Variants in RBBP8 observed in about 807,000 individuals in gnomAD.
The protein encoded by RBBP8 is RB binding protein 8, endonuclease, also known as DNA endonuclease RBBP8.
A neutral mutation model predicts 108.3 loss-of-function variants in RBBP8; 88 were observed. The ratio of observed to expected loss-of-function variants is 0.81; its 90% CI spans 0.68 to 0.97. RBBP8 has a LOEUF of 0.97. Among genes scored for constraint, RBBP8 ranks in the 50% least tolerant of loss-of-function variants. RBBP8 has a pLI of 0.00. For synonymous variants in RBBP8, 332 were observed against 348.2 expected (o/e 0.95, Z 0.52); for missense variants, 1,023 against 1,049.0 (o/e 0.98, Z 0.34).
chr18:22,960,553 A>C (rs1166912778), intron 4 of RBBP8, among the ~76,000 whole-genome samples: 2 of 152,208 alleles, frequency 1.3e-5, no homozygotes, highest in Admixed American at 1.3e-4. Flanking sequence ...CTCAACAAAA[A>C]AGACAAATGA....
At chr18:23,001,956 T>A (rs993438472) in intron 15 of RBBP8, among the ~76,000 whole-genome samples, 10 of 152,336 alleles carry the variant, frequency 6.6e-5, no homozygotes, top group African/African-American at 2.4e-4. Flanking sequence ...CTCCTTATGT[T>A]AATGTGTTAT....
chr18:22,936,904 G>C lies in RBBP8; in HGVS notation c.53G>C (p.Ser18Thr), dbSNP rs1051416455. ...AGCCCTAACTCTGCAGATACATCTA[G>C]TGACTTTAAGGACCTTTGGACAAAA... ...CGSPNSADTS[S>T]DFKDLWTKLK... Residue 18 changes from serine to threonine, a missense_variant, in exon 2 of 19, where the codon AGT becomes ACT. Ser to Thr is a moderately conservative substitution (Grantham distance 58, BLOSUM62 1). Coordinates refer to ENST00000327155, the MANE Select transcript of RBBP8 (RefSeq NM_002894.3). 1 of 1,614,122 alleles carries C rather than the reference G, an allele frequency of 6.2e-7. No individual in the cohort carries two copies. The highest frequency in any genetic ancestry group is 2.2e-5 in the East Asian group (1 of 44,874).
intron 3 of RBBP8, among the ~76,000 whole-genome samples, chr18:22,924,893 CTT>C (rs139454812): frequency 6.9e-6 from 1 of 145,534 alleles, no homozygotes; most frequent in African/African-American, 2.5e-5. Context: ...AGGAAGGAAG[CTT>C]TTTTTTTTTT....
intron 14 of RBBP8, among the ~76,000 whole-genome samples, chr18:22,998,683 TA>T (rs2045898977): frequency 6.6e-6 from 1 of 152,262 alleles, no homozygotes; most frequent in Non-Finnish European, 1.5e-5. Context: ...GAATTTTCTA[TA>T]GTCTACCTGC....
At chr18:22,975,388 A>G (rs1351391595) in intron 6 of RBBP8, among the ~76,000 whole-genome samples, 169 bp downstream of exon 6, 3 of 152,142 alleles carry the variant, frequency 2.0e-5, no homozygotes, top group African/African-American at 7.2e-5. Context: ...GTGTGAATGC[A>G]TCTCTTAGAT....
chr18:22,953,487 T>C (rs914042481), intron 4 of RBBP8, among the ~76,000 whole-genome samples: 10 of 152,358 alleles, frequency 6.6e-5, no homozygotes, highest in African/African-American at 2.2e-4. Flanking sequence ...CTTAATACAA[T>C]TGGCTCTCCA....
chr18:22,941,265 A>G (rs1340011491), intron 2 of RBBP8, among the ~76,000 whole-genome samples: 1 of 151,896 alleles, frequency 6.6e-6, no homozygotes, highest in African/African-American at 2.4e-5. Flanking sequence ...TCTGCCTCCC[A>G]GGTTGAAGCA....
intron 6 of RBBP8, chr18:22,977,795 T>C (rs899020416): frequency 6.6e-6 from 1 of 152,168 alleles, no homozygotes; most frequent in Non-Finnish European, 1.5e-5. Context: ...TCCAGGACCA[T>C]CTTAAGCAAG....
intron 8 of RBBP8, among the ~76,000 whole-genome samples, chr18:22,985,452 G>A (rs1915256487): frequency 6.6e-6 from 1 of 152,162 alleles, no homozygotes; most frequent in Admixed American, 6.5e-5. Flanking sequence ...AGGGAAGTGA[G>A]TCACGTGGCT....
chr18:22,982,995 T>A (rs1915048166), intron 7 of RBBP8, among the ~76,000 whole-genome samples: 1 of 152,196 alleles, frequency 6.6e-6, no homozygotes, highest in Non-Finnish European at 1.5e-5. Context: ...AACTGGCTAT[T>A]TTTATTTGTT....
intron 3 of RBBP8, among the ~76,000 whole-genome samples, chr18:22,922,781 T>C (rs1038524635): frequency 6.6e-6 from 1 of 152,206 alleles, no homozygotes; most frequent in African/African-American, 2.4e-5. Flanking sequence ...TAATTTCTTA[T>C]AACCACTAAT....
intron 5 of RBBP8, 86 bp from the exon 6 acceptor site, chr18:22,975,067 T>A (rs1412852243): frequency 6.3e-6 from 9 of 1,426,636 alleles, no homozygotes; most frequent in Non-Finnish European, 8.5e-6. Flanking sequence ...AATTTCTTCA[T>A]ACATGCTGAC....
chr18:22,968,813 G>A lies in RBBP8; in HGVS notation c.256G>A (p.Ala86Thr). Reference sequence around the variant, plus strand: ...CCTTGTTTTGTTTCATAGGTTAAGAGCAGGCTTATGTGATCGCTGTGCAGT... The same window carrying A: ...CCTTGTTTTGTTTCATAGGTTAAGAACAGGCTTATGTGATCGCTGTGCAGT... ...TIKVLEDRLR[A>T]GLCDRCAVTE... The change falls in exon 5 of 19, where the codon GCA (alanine) becomes ACA (threonine). Residue 86 changes from alanine to threonine, a missense_variant. Transcript: ENST00000327155. 6.2e-7 allele frequency: 1 copy of A among 1,612,956 alleles called. No homozygotes were observed. Among genetic ancestry groups the A allele is most frequent in the Non-Finnish European group, 8.5e-7 (1 of 1,179,172 alleles).
rs9966323 is a variant in RBBP8 at position 22,936,418 on chromosome 18, C to T, written c.-98-336C>T. Reference sequence around the variant, plus strand: ...CCCCCAGCCAAAACAATACATTAGTCTATAGTGGTAAATTAATACTGACCA... The same window carrying T: ...CCCCCAGCCAAAACAATACATTAGTTTATAGTGGTAAATTAATACTGACCA... On this transcript the variant is annotated intron_variant, in intron 1 of 18. Transcript: ENST00000327155. 0.68 allele frequency among the ~76,000 whole-genome samples: 103,015 copies of T among 151,644 alleles called. 35,811 individuals carry two copies. The highest frequency in any genetic ancestry group is 0.84 in the Middle Eastern group (248 of 294).
Position 22,946,463 on chromosome 18 carries a change from C to G in RBBP8, c.129C>G (p.Thr43=). The change falls in exon 3 of 19, where the codon ACC becomes ACG. Residue 43 remains threonine, a synonymous_variant. Transcript: ENST00000327155. ...REVQGLQVKV[T]KLKQERILDA... ...TTTCAGGTTTACAAGTAAAAGTAAC[C>G]AAGCTAAAACAGGAACGAATCTTGT... 6.2e-7 allele frequency: 1 copy of G among 1,612,648 alleles called. No individual in the cohort carries two copies. The highest frequency in any genetic ancestry group is 1.7e-5 in the Admixed American group (1 of 59,984).
At chr18:22,977,142 C>T (rs537069713) in intron 6 of RBBP8, among the ~76,000 whole-genome samples, 1 of 152,140 alleles carries the variant, frequency 6.6e-6, no homozygotes, top group Admixed American at 6.5e-5. Flanking sequence ...TTGTGATTCT[C>T]ATGAACCAAC....
At chr18:22,937,169 C>G in intron 2 of RBBP8, 1 of 1,048,826 alleles carries the variant, frequency 9.5e-7, no homozygotes, top group South Asian at 1.6e-5. Context: ...CATGGTACCC[C>G]ATAGGTAGTT....
intron 16 of RBBP8, among the ~76,000 whole-genome samples, chr18:23,016,280 C>T (rs2046253912): frequency 6.6e-6 from 1 of 152,182 alleles, no homozygotes; most frequent in Middle Eastern, 3.4e-3. Context: ...CACAGTGGCT[C>T]ACGCCTGTAA....
chr18:22,982,080 C>A, intron 6 of RBBP8, 138 bp from the exon 7 acceptor site: 1 of 970,914 alleles, frequency 1.0e-6, no homozygotes, highest in Non-Finnish European at 1.6e-6. Context: ...TACTTATCTA[C>A]TTAGGTTTGG....
Sources: allele counts gnomAD v4.1 joint callset (sites outside exome capture counted in the v4.1 genomes callset), GRCh38; gene constraint gnomAD v4.1.1; transcripts MANE v1.5; gene names NCBI Gene and HGNC (gene_info 2026-07-23, HGNC 2026-07-21).